KCNIP4: variants seen among roughly 807,000 people sequenced by gnomAD.
KCNIP4 encodes potassium voltage-gated channel interacting protein 4.
A neutral mutation model predicts 34.0 loss-of-function variants in KCNIP4; 12 were observed. The observed-to-expected ratio is 0.35, with a 90% CI of 0.23 to 0.57. The LOEUF is 0.57. KCNIP4 is among the 20% of genes least tolerant of loss of function. The pLI is 0.83. For missense variants in KCNIP4, 238 were observed against 311.7 expected (o/e 0.76, Z 1.78); for synonymous variants, 124 against 102.2 (o/e 1.21, Z -1.29).
intron 3 of KCNIP4, among the ~76,000 whole-genome samples, chr4:20,808,476 T>C (rs1325377773): frequency 6.6e-6 from 1 of 152,190 alleles, no homozygotes; most frequent in Non-Finnish European, 1.5e-5. Flanking sequence ...AGTAGATTCA[T>C]CCATCCTTAT....
intron 1 of KCNIP4, among the ~76,000 whole-genome samples, chr4:21,133,287 G>A (rs1407121247): frequency 2.6e-5 from 4 of 152,178 alleles, no homozygotes; most frequent in African/African-American, 9.7e-5. Context: ...GGTTTAACAT[G>A]TGTAATTATT....
At chr4:20,785,430 A>G (rs1376235787) in intron 3 of KCNIP4, among the ~76,000 whole-genome samples, 1 of 149,952 alleles carries the variant, frequency 6.7e-6, no homozygotes, top group East Asian at 2.0e-4. Context: ...TGCAGATACC[A>G]CTTAGGAAGC....
At chr4:20,945,002 G>A (rs1033257220) in intron 1 of KCNIP4, among the ~76,000 whole-genome samples, 1 of 152,160 alleles carries the variant, frequency 6.6e-6, no homozygotes, top group African/African-American at 2.4e-5. Flanking sequence ...CCTCAGAACT[G>A]CAGTTCAGAA....
At chr4:21,502,081 G>A (rs75446207) in intron 1 of KCNIP4, among the ~76,000 whole-genome samples, 8 of 151,424 alleles carry the variant, frequency 5.3e-5, no homozygotes, top group South Asian at 2.1e-4. Flanking sequence ...TTATGGTTTC[G>A]ACCCAATTCC....
chr4:20,878,544 T>C (rs1397519581), intron 2 of KCNIP4, among the ~76,000 whole-genome samples: 1 of 152,232 alleles, frequency 6.6e-6, no homozygotes, highest in Non-Finnish European at 1.5e-5. Flanking sequence ...CTTTGTTTTC[T>C]TGTTTATTCT....
intron 1 of KCNIP4, among the ~76,000 whole-genome samples, chr4:20,937,298 G>A (rs952836834): frequency 8.4e-6 from 1 of 118,466 alleles, no homozygotes; most frequent in Non-Finnish European, 1.6e-5. Flanking sequence ...ACAGTTGCAC[G>A]ATCTTGGCTC....
intron 3 of KCNIP4, among the ~76,000 whole-genome samples, chr4:20,840,669 A>C (rs1426295473): frequency 6.6e-6 from 1 of 152,164 alleles, no homozygotes. Context: ...AGTTGAACAG[A>C]AGTCCCATCC....
At chr4:21,340,409 CT>C (rs1716637213) in intron 1 of KCNIP4, among the ~76,000 whole-genome samples, 1 of 152,094 alleles carries the variant, frequency 6.6e-6, no homozygotes, top group Non-Finnish European at 1.5e-5. Flanking sequence ...TTGAAGCCAT[CT>C]GTTATTTAAA....
intron 1 of KCNIP4, among the ~76,000 whole-genome samples, chr4:20,992,724 T>C (rs937761752): frequency 6.6e-6 from 1 of 151,908 alleles, no homozygotes; most frequent in Non-Finnish European, 1.5e-5. Flanking sequence ...CAATGGATGA[T>C]GAACAAAGAA....
intron 1 of KCNIP4, among the ~76,000 whole-genome samples, chr4:21,156,109 A>T (rs1753130637): frequency 6.6e-6 from 1 of 152,120 alleles, no homozygotes. Context: ...ATAACTCACA[A>T]TTTTTAAGAG....
At chr4:20,855,837 A>G (rs1355142059) in intron 2 of KCNIP4, among the ~76,000 whole-genome samples, 1 of 152,178 alleles carries the variant, frequency 6.6e-6, no homozygotes, top group Non-Finnish European at 1.5e-5. Context: ...AAAATAATAG[A>G]AAAGGACATG....
intron 3 of KCNIP4, among the ~76,000 whole-genome samples, chr4:20,763,022 A>G (rs1288371759): frequency 6.6e-6 from 1 of 152,018 alleles, no homozygotes; most frequent in African/African-American, 2.4e-5. Flanking sequence ...ATGAGAACTC[A>G]CCCACTTATC....
rs533728631 is a variant in KCNIP4 at position 21,244,966 on chromosome 4, A to T, written c.62-362257T>A. On this transcript the variant is annotated intron_variant, in intron 1 of 8. Coordinates refer to ENST00000382152, the MANE Select transcript of KCNIP4 (RefSeq NM_025221.6). Reference sequence around the variant, plus strand: ...CAACACTGATTGATAATTTGTCTGCATCTATTACATGAAAGCTATGGCCAA... The same window carrying T: ...CAACACTGATTGATAATTTGTCTGCTTCTATTACATGAAAGCTATGGCCAA... Among the ~76,000 whole-genome samples, 32 of 152,350 alleles carry T rather than the reference A, an allele frequency of 2.1e-4. 1 individual carries two copies. Among genetic ancestry groups the T allele is most frequent in the African/African-American group, 7.0e-4 (29 of 41,578 alleles).
intron 1 of KCNIP4, among the ~76,000 whole-genome samples, chr4:21,203,926 CT>C (rs1218887437): frequency 1.3e-5 from 2 of 152,304 alleles, no homozygotes; most frequent in African/African-American, 2.4e-5. Context: ...GGCTGCTTCT[CT>C]TTTTCCCCTT....
intron 1 of KCNIP4, among the ~76,000 whole-genome samples, chr4:21,283,668 G>A (rs190635826): frequency 0.017 from 1,667 of 98,196 alleles, 23 homozygotes; most frequent in South Asian, 0.029. Flanking sequence ...GGGGAGGGGG[G>A]AGGGATAGCA....
chr4:21,869,795 CAGAT>C (rs1198381404), intron 1 of KCNIP4, among the ~76,000 whole-genome samples: 23 of 151,220 alleles, frequency 1.5e-4, no homozygotes, highest in African/African-American at 2.2e-4. Flanking sequence ...GACAGACAGA[CAGAT>C]AGATAGATAT....
chr4:20,846,480 C>T (rs75116946), intron 3 of KCNIP4, among the ~76,000 whole-genome samples: 2,651 of 152,204 alleles, frequency 0.017, 72 homozygotes, highest in African/African-American at 0.057. Context: ...ATTTGTGTGA[C>T]CTTTTGACCA....
At chr4:21,210,061 T>C (rs1757117414) in intron 1 of KCNIP4, among the ~76,000 whole-genome samples, 1 of 152,138 alleles carries the variant, frequency 6.6e-6, no homozygotes, top group Non-Finnish European at 1.5e-5. Flanking sequence ...ACCACGGTGA[T>C]TTAACATGGG....
At chr4:21,104,518 C>T (rs1748297271) in intron 1 of KCNIP4, among the ~76,000 whole-genome samples, 1 of 152,060 alleles carries the variant, frequency 6.6e-6, no homozygotes, top group African/African-American at 2.4e-5. Flanking sequence ...GAGTAGATTG[C>T]AAAAATTTTC....
Sources: gnomAD v4.1 joint callset for allele counts (sites outside exome capture counted in the v4.1 genomes callset) on GRCh38, gnomAD v4.1.1 for gene constraint, MANE v1.5 for transcripts, NCBI Gene and HGNC (gene_info 2026-07-23, HGNC 2026-07-21) for gene names.